The following RCOR2 variants were observed in gnomAD, a reference collection of about 807,000 sequenced individuals.
RCOR2 encodes the protein REST corepressor 2.
In RCOR2, 19 loss-of-function variants were observed where a neutral mutation model predicts 58.9. That is an observed-to-expected ratio of 0.32 (90% CI 0.23 to 0.47). RCOR2 has a LOEUF of 0.47. Ranked by LOEUF, RCOR2 falls within the 20% of genes least tolerant of loss-of-function variation. The pLI, the probability that RCOR2 is intolerant of heterozygous loss-of-function variation, is 1.00. For synonymous variants in RCOR2, 286 were observed against 278.7 expected, an observed-to-expected ratio of 1.03 and a Z score of -0.26; for missense variants, 590 against 707.9, an observed-to-expected ratio of 0.83 and a Z score of 1.89.
At chr11:63,916,268 C>A (rs1005890813) in intron 1 of RCOR2, 62 bp downstream of exon 1, 192 of 1,427,080 alleles carry the variant, frequency 1.3e-4, no homozygotes, top group Non-Finnish European at 1.6e-4. Flanking sequence ...ACTCTTCCCC[C>A]TCCCGCCCCA....
the RCOR2 span, among the ~76,000 whole-genome samples, chr11:63,922,664 T>C: frequency 2.0e-5 from 3 of 152,320 alleles, no homozygotes; most frequent in Admixed American, 1.3e-4. Flanking sequence ...TGAATACAAA[T>C]TTTTAAATAT....
chr11:63,912,643 G>A (rs1941788515), intron 10 of RCOR2, 33 bp downstream of exon 10: 4 of 1,610,150 alleles, frequency 2.5e-6, no homozygotes, highest in Non-Finnish European at 3.4e-6. Context: ...ATAGATTCCT[G>A]GGGTCCTCTC....
chr11:63,915,490 G>A, intron 2 of RCOR2, 65 bp downstream of exon 2: 5 of 1,497,004 alleles, frequency 3.3e-6, no homozygotes, highest in Non-Finnish European at 4.5e-6. Flanking sequence ...CGCCCCAGGT[G>A]GGGCTGCAGG....
chr11:63,925,174 C>T, the RCOR2 span, among the ~76,000 whole-genome samples: 3 of 152,122 alleles, frequency 2.0e-5, no homozygotes, highest in Non-Finnish European at 4.4e-5. Context: ...CTTTCTAAAA[C>T]CCAATCTGAT....
At chr11:63,919,522 C>T (rs1171373491), upstream of RCOR2, among the ~76,000 whole-genome samples, 1 of 152,174 alleles carries the variant, frequency 6.6e-6, no homozygotes, top group Non-Finnish European at 1.5e-5. Context: ...TCCACTTGTC[C>T]CCAGGTCAGA....
Position 63,916,562 on chromosome 11 carries a change from C to A in RCOR2, c.-106G>T. 3.4e-6 allele frequency: 5 copies of A among 1,463,042 alleles called. No homozygotes were observed. The highest frequency in any genetic ancestry group is 4.5e-6 in the Non-Finnish European group (5 of 1,109,324). The allele number at this position is 1,463,042 out of a possible 1,614,324, so 90.6% of individuals were successfully genotyped here. On this transcript the variant is annotated 5_prime_UTR_variant, in exon 1 of 12. Transcript: ENST00000301459. ...CCGGCCCGGCCTGGAGAGGTCGCCACTGAGGTTAGGAGAGGCAGGAGGTCA... is the reference window on the plus strand; with the variant it reads ...CCGGCCCGGCCTGGAGAGGTCGCCAATGAGGTTAGGAGAGGCAGGAGGTCA...
rs886860871 is a variant in RCOR2 at position 63,913,078 on chromosome 11, T to C, written c.892-131A>G. ...GCAAAGCTTTCTGCCATCCACCATC[T>C]GGCTTGTTCCTCCTAAACAACTACT... On this transcript the variant is annotated intron_variant, in intron 8 of 11. Transcript: ENST00000301459. 6 of 739,620 alleles carry C rather than the reference T, an allele frequency of 8.1e-6. No individual in the cohort carries two copies. The African/African-American group carries it at 1.1e-4, about 13-fold the overall frequency. 45.8% of individuals were successfully genotyped at this position (739,620 alleles called of 1,614,324 possible). A position where few individuals can be genotyped will look rare whatever the true frequency, so the allele number is the denominator to read the frequency against.
the RCOR2 span, among the ~76,000 whole-genome samples, chr11:63,925,479 C>A: frequency 6.6e-6 from 1 of 152,076 alleles, no homozygotes; most frequent in Non-Finnish European, 1.5e-5. Context: ...CATCTTTGAT[C>A]TTCGGGGAAA....
the RCOR2 span, among the ~76,000 whole-genome samples, chr11:63,927,459 G>C: frequency 6.6e-6 from 1 of 151,864 alleles, no homozygotes; most frequent in Admixed American, 6.6e-5. Context: ...TATAGAGACG[G>C]GGTCTTGCTA....
At chr11:63,912,820 C>T (rs368816553) in intron 9 of RCOR2, 50 bp downstream of exon 9, 34 of 1,606,066 alleles carry the variant, frequency 2.1e-5, no homozygotes, top group Middle Eastern at 1.6e-4. Context: ...TTCTGCTCTG[C>T]CTCCAGAGAG....
chr11:63,914,766 G>A lies in RCOR2; in HGVS notation c.369C>T (p.Ala123=), dbSNP rs185084699. The change falls in exon 5 of 12, where the codon GCC becomes GCT. Residue 123 remains alanine, a synonymous_variant. Coordinates refer to ENST00000301459, the MANE Select transcript of RCOR2 (RefSeq NM_173587.4). ...GGAATGGGGTGAAGTTGGCCAGGTCGGCCAGCGACTTCTCCACATCGTGCT... is the reference window on the plus strand; with the variant it reads ...GGAATGGGGTGAAGTTGGCCAGGTCAGCCAGCGACTTCTCCACATCGTGCT... ...WHKHDVEKSL[A]DLANFTPFPD... 107 of 1,612,890 alleles carry A rather than the reference G, an allele frequency of 6.6e-5. 2 individuals are homozygous for A. Among genetic ancestry groups the A allele is most frequent in the African/African-American group, 9.3e-5 (7 of 75,026 alleles).
the RCOR2 span, among the ~76,000 whole-genome samples, chr11:63,927,409 A>ACC: frequency 6.7e-4 from 102 of 152,242 alleles, no homozygotes; most frequent in African/African-American, 2.4e-3. Context: ...AGCTGGGACT[A>ACC]CAGGTGTGTG....
rs1264044642 is a variant in RCOR2 at position 63,916,590 on chromosome 11, G to A, written c.-134C>T. The A allele has an allele frequency of 1.4e-6, 2 of 1,405,618 alleles. No homozygotes were observed. Among genetic ancestry groups the A allele is most frequent in the East Asian group, 2.6e-5 (1 of 38,600 alleles). 87.1% of individuals were successfully genotyped at this position (1,405,618 alleles called of 1,614,324 possible). A position where few individuals can be genotyped will look rare whatever the true frequency, so the allele number is the denominator to read the frequency against. On this transcript the variant is annotated 5_prime_UTR_variant, in exon 1 of 12. In the 5' UTR this introduces an upstream ATG that the reference lacks. Coordinates refer to ENST00000301459, the MANE Select transcript of RCOR2 (RefSeq NM_173587.4). ...AGGTTAGGAGAGGCAGGAGGTCAGC[G>A]TGGCTAGGGTCCGGCGGGGTGGGAG...
rs1483848035 is a variant in RCOR2 at position 63,911,754 on chromosome 11, C to G, written c.*111G>C. On this transcript the variant is annotated 3_prime_UTR_variant, in exon 12 of 12. Coordinates refer to ENST00000301459, the MANE Select transcript of RCOR2 (RefSeq NM_173587.4). ...TGGGCTGTCCGAAACTCTGGTCTTA[C>G]AAAGACCCCGCCAGAGCCCTAGTCC... is the stretch of plus-strand genomic sequence containing the variant. The G allele has an allele frequency of 7.2e-7, 1 of 1,390,474 alleles. No homozygotes were observed. Among genetic ancestry groups the G allele is most frequent in the African/African-American group, 1.5e-5 (1 of 65,574 alleles). 86.1% of individuals were successfully genotyped at this position (1,390,474 alleles called of 1,614,324 possible).
chr11:63,917,918 A>G (rs919454932), upstream of RCOR2, among the ~76,000 whole-genome samples: 2 of 152,034 alleles, frequency 1.3e-5, no homozygotes, highest in African/African-American at 2.4e-5. Context: ...AGTGACAGAC[A>G]GGGAAGCGGG....
chr11:63,916,186 TG>T, intron 1 of RCOR2, 143 bp downstream of exon 1: 1 of 807,732 alleles, frequency 1.2e-6, no homozygotes, highest in Non-Finnish European at 1.9e-6. Flanking sequence ...CCTGGGTTTG[TG>T]GGAGAAGCAA....
In RCOR2 at chr11:63,914,006, G is replaced by A; in HGVS notation, c.839C>T (p.Ala280Val). 1.2e-6 allele frequency: 2 copies of A among 1,613,706 alleles called. No individual in the cohort carries two copies. Among genetic ancestry groups the A allele is most frequent in the Non-Finnish European group, 1.7e-6 (2 of 1,179,950 alleles). The change falls in exon 8 of 12, where the codon GCC becomes GTC. Residue 280 changes from alanine to valine, a missense_variant. This residue lies in a region of RCOR2 where 390 missense variants were observed against 478.7 expected (regional missense o/e 0.81). Coordinates refer to ENST00000301459, the MANE Select transcript of RCOR2 (RefSeq NM_173587.4). Reference protein sequence around the residue: ...LTAVSGSPDLANLTLRGLDSQ... With the variant: ...LTAVSGSPDLVNLTLRGLDSQ... Reference sequence around the variant, plus strand: ...GTCAAGACCTCGGAGCGTGAGGTTGGCAAGGTCCGGGCTTCCTGACACTGC... The same window carrying A: ...GTCAAGACCTCGGAGCGTGAGGTTGACAAGGTCCGGGCTTCCTGACACTGC...
rs978650541 is a variant in RCOR2 at position 63,911,967 on chromosome 11, G to A, written c.1470C>T (p.Ile490=). 5.1e-5 allele frequency: 64 copies of A among 1,259,812 alleles called. No homozygotes were observed. Among genetic ancestry groups the A allele is most frequent in the Non-Finnish European group, 6.4e-5 (60 of 941,112 alleles). 78.0% of individuals were successfully genotyped at this position (1,259,812 alleles called of 1,614,324 possible). A position where few individuals can be genotyped will look rare whatever the true frequency, so the allele number is the denominator to read the frequency against. Residue 490 remains isoleucine (I), a synonymous_variant, in exon 12 of 12, where the codon ATC becomes ATT. Coordinates refer to ENST00000301459, the MANE Select transcript of RCOR2 (RefSeq NM_173587.4). The part of the protein sequence containing the change: ...LAPNQPPPPL[I]RPALAAPRHS... ...GGCGGGGGGCAGCCAGAGCGGGGCG[G>A]ATGAGAGGCGGTGGGGGCTGGTTGG...
At chr11:63,913,614 CT>C (rs1353514493) in intron 8 of RCOR2, among the ~76,000 whole-genome samples, 7 of 151,976 alleles carry the variant, frequency 4.6e-5, no homozygotes, top group Non-Finnish European at 8.8e-5. Context: ...TCCCGAGTAG[CT>C]GGGATTACAG....
Sources: allele counts gnomAD v4.1 joint callset (sites outside exome capture counted in the v4.1 genomes callset), GRCh38; gene constraint gnomAD v4.1.1; regional missense constraint gnomAD v4.1.1; transcripts MANE v1.5; gene names NCBI Gene and HGNC (gene_info 2026-07-23, HGNC 2026-07-21).